RPS6KC1: variants seen among roughly 807,000 people sequenced by gnomAD.
RPS6KC1 encodes the protein inactive ribosomal protein S6 kinase delta-1.
RPS6KC1 carries 54 observed loss-of-function variants against 103.8 expected under a neutral mutation model. The observed-to-expected ratio is 0.52, with a 90% CI of 0.42 to 0.65. RPS6KC1 has a LOEUF of 0.65. Ranked by LOEUF, RPS6KC1 falls within the 30% of genes least tolerant of loss-of-function variation. The pLI, the probability that RPS6KC1 is intolerant of heterozygous loss-of-function variation, is 0.00. For missense variants in RPS6KC1, 1,151 were observed against 1,253.8 expected, an observed-to-expected ratio of 0.92 and a Z score of 1.24; for synonymous variants, 439 against 438.7, an observed-to-expected ratio of 1.00 and a Z score of -0.01.
chr1:213,258,458 G>A (rs1298507249), intron 12 of RPS6KC1, among the ~76,000 whole-genome samples: 2 of 152,168 alleles, frequency 1.3e-5, no homozygotes, highest in Non-Finnish European at 2.9e-5. Flanking sequence ...TATACTAGGG[G>A]AAAAACTGAT....
At chr1:213,606,121 G>T in the RPS6KC1 span, among the ~76,000 whole-genome samples, 1 of 152,306 alleles carries the variant, frequency 6.6e-6, no homozygotes, top group Non-Finnish European at 1.5e-5. Context: ...ATGGATCTTT[G>T]TCTTGGTATA....
intron 11 of RPS6KC1, 111 bp downstream of exon 11, chr1:213,242,408 A>T: frequency 7.7e-7 from 1 of 1,304,808 alleles, no homozygotes; most frequent in Admixed American, 1.8e-5. Context: ...GAGCTTCATT[A>T]TCAGTGCAGC....
At chr1:213,093,046 T>A (rs1423495921) in intron 3 of RPS6KC1, among the ~76,000 whole-genome samples, 1 of 152,192 alleles carries the variant, frequency 6.6e-6, no homozygotes. Flanking sequence ...TTTCTCCACA[T>A]CCTTCCATAT....
the RPS6KC1 span, among the ~76,000 whole-genome samples, chr1:213,321,284 C>T: frequency 6.6e-6 from 1 of 152,130 alleles, no homozygotes; most frequent in Non-Finnish European, 1.5e-5. Flanking sequence ...CATCTGAGAC[C>T]TTAATCAGAA....
At chr1:213,187,326 C>T (rs2092574356) in intron 8 of RPS6KC1, among the ~76,000 whole-genome samples, 1 of 149,222 alleles carries the variant, frequency 6.7e-6, no homozygotes, top group Non-Finnish European at 1.5e-5. Context: ...CTCATTGCTG[C>T]CTCCACCTCC....
chr1:213,123,667 T>C (rs1181811592), intron 5 of RPS6KC1, among the ~76,000 whole-genome samples: 3 of 152,210 alleles, frequency 2.0e-5, no homozygotes, highest in Non-Finnish European at 4.4e-5. Context: ...AACTGGTATG[T>C]ATGTCTTCTA....
chr1:213,617,141 G>C, the RPS6KC1 span, among the ~76,000 whole-genome samples: 1 of 152,098 alleles, frequency 6.6e-6, no homozygotes, highest in Admixed American at 6.5e-5. Flanking sequence ...AAAATTACAG[G>C]CTGCTGTAAA....
At chr1:213,174,316 T>C (rs1379150021) in intron 7 of RPS6KC1, among the ~76,000 whole-genome samples, 3 of 152,178 alleles carry the variant, frequency 2.0e-5, no homozygotes, top group Non-Finnish European at 4.4e-5. Flanking sequence ...TTCCTGTAAG[T>C]ACATCACCTG....
the RPS6KC1 span, among the ~76,000 whole-genome samples, chr1:213,533,705 C>G: frequency 6.6e-6 from 1 of 152,210 alleles, no homozygotes; most frequent in Non-Finnish European, 1.5e-5. Flanking sequence ...CACTTCCACA[C>G]GTTGCTATAA....
the RPS6KC1 span, among the ~76,000 whole-genome samples, chr1:213,641,237 C>G: frequency 6.6e-6 from 1 of 151,724 alleles, no homozygotes; most frequent in South Asian, 2.1e-4. Context: ...GTTAGATGAT[C>G]TAATATCTGC....
At chr1:213,054,442 G>A (rs886802256) in intron 1 of RPS6KC1, among the ~76,000 whole-genome samples, 3 of 152,164 alleles carry the variant, frequency 2.0e-5, no homozygotes, top group Non-Finnish European at 4.4e-5. Context: ...TTTCTTGAGA[G>A]TTAAGGAGAA....
intron 8 of RPS6KC1, among the ~76,000 whole-genome samples, chr1:213,179,813 C>T (rs1356324728): frequency 6.6e-6 from 1 of 152,148 alleles, no homozygotes; most frequent in Non-Finnish European, 1.5e-5. Flanking sequence ...TTGTGTCTTT[C>T]TTGGTCACCA....
the RPS6KC1 span, among the ~76,000 whole-genome samples, chr1:213,342,512 G>A: frequency 6.6e-6 from 1 of 152,198 alleles, no homozygotes; most frequent in Non-Finnish European, 1.5e-5. Flanking sequence ...TATGGCTCTT[G>A]GTGCCTCAGA....
the RPS6KC1 span, among the ~76,000 whole-genome samples, chr1:213,620,491 C>G: frequency 6.6e-6 from 1 of 152,218 alleles, no homozygotes; most frequent in Admixed American, 6.5e-5. Flanking sequence ...ACTTCTAGTT[C>G]TCTTCAAGGG....
chr1:213,398,336 C>T, the RPS6KC1 span, among the ~76,000 whole-genome samples: 7 of 151,966 alleles, frequency 4.6e-5, no homozygotes, highest in African/African-American at 1.5e-4. Flanking sequence ...TGTGAGCCAC[C>T]GTGCCTGGCC....
At chr1:213,502,624 T>C in the RPS6KC1 span, among the ~76,000 whole-genome samples, 1 of 152,162 alleles carries the variant, frequency 6.6e-6, no homozygotes, top group East Asian at 1.9e-4. Flanking sequence ...AAAATACATT[T>C]TCCTAGATTA....
chr1:213,486,112 A>T, the RPS6KC1 span, among the ~76,000 whole-genome samples: 1 of 152,172 alleles, frequency 6.6e-6, no homozygotes, highest in Non-Finnish European at 1.5e-5. Flanking sequence ...CACACAACAC[A>T]GTGGTTTCAA....
chr1:213,755,663 C>A, the RPS6KC1 span, among the ~76,000 whole-genome samples: 2 of 152,288 alleles, frequency 1.3e-5, no homozygotes, highest in South Asian at 4.1e-4. Flanking sequence ...GTGCATCAGA[C>A]TTGTCCTATA....
At chr1:213,212,964 G>C (rs1245754193) in intron 8 of RPS6KC1, among the ~76,000 whole-genome samples, 5 of 152,090 alleles carry the variant, frequency 3.3e-5, no homozygotes, top group Admixed American at 3.3e-4. Flanking sequence ...TTGGCTAATG[G>C]TCCATTATCA....
Sources: allele counts gnomAD v4.1 joint callset (sites outside exome capture counted in the v4.1 genomes callset), GRCh38; gene constraint gnomAD v4.1.1; transcripts MANE v1.5; gene names NCBI Gene and HGNC (gene_info 2026-07-23, HGNC 2026-07-21).